Variants in DCC observed in about 807,000 individuals in gnomAD.
DCC encodes netrin receptor DCC.
A neutral mutation model predicts 172.5 loss-of-function variants in DCC; 58 were observed. The observed-to-expected ratio is 0.34, with a 90% CI of 0.27 to 0.42. The LOEUF (loss-of-function observed/expected upper bound fraction) is 0.42, where lower values mean the gene tolerates loss of function less well. Among genes scored for constraint, DCC ranks in the 10% least tolerant of loss-of-function variants. The pLI is 1.00. For synonymous variants in DCC, 709 were observed against 644.5 expected, an observed-to-expected ratio of 1.10 and a Z score of -1.52; for missense variants, 1,740 against 1,791.0, an observed-to-expected ratio of 0.97 and a Z score of 0.51.
At chr18:53,262,203 C>T (rs947834177) in intron 12 of DCC, among the ~76,000 whole-genome samples, 7 of 152,206 alleles carry the variant, frequency 4.6e-5, no homozygotes, top group Non-Finnish European at 1.0e-4. Flanking sequence ...AGCCTACACA[C>T]TACTCTATCC....
chr18:53,006,092 T>A (rs781634121), intron 5 of DCC, among the ~76,000 whole-genome samples: 2 of 152,238 alleles, frequency 1.3e-5, no homozygotes, highest in Non-Finnish European at 2.9e-5. Context: ...TCCACATATA[T>A]GTGTGTCTTC....
At chr18:53,309,943 T>TATAC (rs1555650583) in intron 13 of DCC, among the ~76,000 whole-genome samples, 41 of 132,634 alleles carry the variant, frequency 3.1e-4, no homozygotes, top group African/African-American at 1.1e-3. Context: ...TATATATATA[T>TATAC]ACATGTATAT....
At chr18:52,788,671 C>G (rs529735647) in intron 2 of DCC, among the ~76,000 whole-genome samples, 15 of 152,234 alleles carry the variant, frequency 9.9e-5, no homozygotes, top group Non-Finnish European at 1.2e-4. Context: ...GAATTCAGAA[C>G]TAGTATGATT....
intron 1 of DCC, among the ~76,000 whole-genome samples, chr18:52,719,419 C>T (rs1412135168): frequency 6.6e-6 from 1 of 152,072 alleles, no homozygotes; most frequent in East Asian, 1.9e-4. Context: ...GTTGAGTCCA[C>T]TCTCAGGAAG....
At position 52,906,144 on chromosome 18, in the gene DCC, C is replaced by T. The variant is rs746357250; in HGVS notation, c.513C>T (p.Ile171=). Residue 171 remains isoleucine, a synonymous_variant, in exon 3 of 29, where the codon ATC becomes ATT. Coordinates refer to ENST00000442544, the MANE Select transcript of DCC (RefSeq NM_005215.4). Reference sequence around the variant, plus strand: ...TCATTGGGGAGCCCATGCCAACAATCCACTGGCAGAAGAACCAACAAGACC... The same window carrying T: ...TCATTGGGGAGCCCATGCCAACAATTCACTGGCAGAAGAACCAACAAGACC... ...CEVIGEPMPT[I]HWQKNQQDLT... 3.0e-5 allele frequency: 49 copies of T among 1,613,906 alleles called. No homozygotes were observed. The highest frequency in any genetic ancestry group is 3.9e-5 in the Non-Finnish European group (46 of 1,179,990).
At chr18:52,849,562 A>C (rs998715104) in intron 2 of DCC, among the ~76,000 whole-genome samples, 3 of 152,194 alleles carry the variant, frequency 2.0e-5, no homozygotes, top group African/African-American at 7.2e-5. Flanking sequence ...AAACACAAAA[A>C]TTCACAGGCA....
chr18:52,729,426 ATAT>A (rs1318834694), intron 1 of DCC, among the ~76,000 whole-genome samples: 1 of 151,924 alleles, frequency 6.6e-6, no homozygotes, highest in Non-Finnish European at 1.5e-5. Context: ...CACCTGCCTA[ATAT>A]TTGTATTTTT....
chr18:52,522,280 C>A (rs907659829), intron 1 of DCC, among the ~76,000 whole-genome samples: 2 of 152,038 alleles, frequency 1.3e-5, no homozygotes, highest in African/African-American at 4.8e-5. Context: ...TTTTTACAGG[C>A]ATTTTGTCTA....
Position 53,063,429 on chromosome 18 carries a change from G to C in DCC, c.1110G>C (p.Val370=), listed in dbSNP as rs545857522. The part of the protein sequence containing the change: ...PTVNWMKNGD[V]VIPSDYFQIV... ...TGAATTGGATGAAGAATGGAGATGT[G>C]GTCATTCCTAGTGATTATTTTCAGA... is the stretch of plus-strand genomic sequence containing the variant. Residue 370 remains valine (V), a synonymous_variant, in exon 6 of 29, where the codon GTG becomes GTC. Transcript: ENST00000442544. The C allele has an allele frequency of 6.2e-7, 1 of 1,610,898 alleles. No homozygotes were observed. Among genetic ancestry groups the C allele is most frequent in the Non-Finnish European group, 8.5e-7 (1 of 1,177,548 alleles).
intron 1 of DCC, among the ~76,000 whole-genome samples, chr18:52,631,352 T>C (rs935508547): frequency 6.6e-6 from 1 of 152,162 alleles, no homozygotes; most frequent in African/African-American, 2.4e-5. Context: ...CATGAGTAAA[T>C]GGAAATAAAA....
chr18:53,068,469 A>C (rs1341124196), intron 7 of DCC, among the ~76,000 whole-genome samples: 2 of 138,890 alleles, frequency 1.4e-5, no homozygotes, highest in Non-Finnish European at 3.0e-5. Flanking sequence ...GGGTGCCTTT[A>C]AGCTGATATT....
intron 13 of DCC, among the ~76,000 whole-genome samples, chr18:53,317,922 A>C (rs1479819047): frequency 6.6e-6 from 1 of 151,978 alleles, no homozygotes; most frequent in Non-Finnish European, 1.5e-5. Context: ...AATCTTTTCA[A>C]ACAATCACCT....
chr18:52,584,392 A>T (rs2033622987), intron 1 of DCC, among the ~76,000 whole-genome samples: 1 of 152,184 alleles, frequency 6.6e-6, no homozygotes, highest in Admixed American at 6.5e-5. Context: ...GATTTGATTT[A>T]AAAAGGAGAA....
intron 2 of DCC, among the ~76,000 whole-genome samples, chr18:52,900,138 G>A (rs531914615): frequency 3.3e-5 from 5 of 152,292 alleles, no homozygotes; most frequent in Non-Finnish European, 5.9e-5. Context: ...ATGAGGAAGT[G>A]AGAATTCTGT....
intron 2 of DCC, among the ~76,000 whole-genome samples, chr18:52,830,996 G>A (rs964675016): frequency 1.3e-5 from 2 of 151,992 alleles, no homozygotes; most frequent in Non-Finnish European, 2.9e-5. Context: ...TAGATCTCAG[G>A]GCATAGGGCA....
At chr18:52,997,825 T>C (rs1256006637) in intron 5 of DCC, among the ~76,000 whole-genome samples, 3 of 152,040 alleles carry the variant, frequency 2.0e-5, no homozygotes, top group African/African-American at 7.2e-5. Flanking sequence ...TGCTCCTGTG[T>C]GTCTTTATGA....
chr18:53,078,013 A>G (rs924926158), intron 7 of DCC, among the ~76,000 whole-genome samples: 1 of 152,220 alleles, frequency 6.6e-6, no homozygotes. Flanking sequence ...CCAGAAATCC[A>G]TAGTTTAACA....
intron 2 of DCC, among the ~76,000 whole-genome samples, chr18:52,895,397 T>C (rs1261000807): frequency 6.6e-6 from 1 of 152,200 alleles, no homozygotes; most frequent in African/African-American, 2.4e-5. Flanking sequence ...TTAAAATTAT[T>C]GTCAAAGCTT....
At chr18:53,302,181 T>C (rs1453370128) in intron 12 of DCC, among the ~76,000 whole-genome samples, 2 of 152,088 alleles carry the variant, frequency 1.3e-5, no homozygotes, top group Admixed American at 6.5e-5. Context: ...CAAGGACTTA[T>C]CTCCAAATTC....
Sources: allele counts gnomAD v4.1 joint callset (sites outside exome capture counted in the v4.1 genomes callset), GRCh38; gene constraint gnomAD v4.1.1; transcripts MANE v1.5; gene names NCBI Gene and HGNC (gene_info 2026-07-23, HGNC 2026-07-21).